The following FHIT variants were observed in gnomAD, a reference collection of about 807,000 sequenced individuals.
FHIT encodes the protein bis(5'-adenosyl)-triphosphatase.
Under a neutral mutation model 17.9 loss-of-function variants are expected in FHIT, and 19 were observed. The observed-to-expected ratio is 1.06, with a 90% CI of 0.74 to 1.56. FHIT has a LOEUF of 1.56. Among genes scored for constraint, FHIT ranks in the 40% most tolerant of loss-of-function variants. FHIT has a pLI of 0.00. For missense variants in FHIT, 248 were observed against 189.2 expected, an observed-to-expected ratio of 1.31 and a Z score of -1.82; for synonymous variants, 81 against 69.7, an observed-to-expected ratio of 1.16 and a Z score of -0.81.
At chr3:60,435,833 C>T (rs2030177112) in intron 5 of FHIT, among the ~76,000 whole-genome samples, 1 of 152,028 alleles carries the variant, frequency 6.6e-6, no homozygotes, top group South Asian at 2.1e-4. Context: ...CAACAGGCCC[C>T]AGTGTGTGTT....
At chr3:59,961,690 C>G (rs993251813) in intron 7 of FHIT, among the ~76,000 whole-genome samples, 8 of 152,136 alleles carry the variant, frequency 5.3e-5, no homozygotes, top group African/African-American at 1.9e-4. Context: ...CCTTGTGCTT[C>G]CCAAGTGAGG....
intron 5 of FHIT, among the ~76,000 whole-genome samples, chr3:60,140,094 C>T (rs200729543): frequency 6.6e-6 from 1 of 151,506 alleles, no homozygotes; most frequent in African/African-American, 2.4e-5. Flanking sequence ...GCACAACAGC[C>T]TGGGCAACAT....
chr3:59,792,279 G>C (rs898080140), intron 8 of FHIT, among the ~76,000 whole-genome samples: 1 of 152,194 alleles, frequency 6.6e-6, no homozygotes, highest in South Asian at 2.1e-4. Context: ...ACCTAGAAGA[G>C]AATGTCTTCT....
intron 7 of FHIT, among the ~76,000 whole-genome samples, chr3:59,937,201 C>G (rs957481850): frequency 2.4e-4 from 36 of 152,244 alleles, no homozygotes; most frequent in African/African-American, 8.4e-4. Flanking sequence ...AAATTGTGTT[C>G]TAAAAAGCAG....
chr3:60,221,057 T>G (rs984040889), intron 5 of FHIT, among the ~76,000 whole-genome samples: 2 of 152,208 alleles, frequency 1.3e-5, no homozygotes, highest in Non-Finnish European at 2.9e-5. Context: ...GGCTTTATAA[T>G]GCCTAAAGCA....
intron 4 of FHIT, among the ~76,000 whole-genome samples, chr3:60,623,833 C>G (rs1179493911): frequency 1.3e-5 from 2 of 152,174 alleles, no homozygotes; most frequent in African/African-American, 4.8e-5. Flanking sequence ...TTAAACTTGC[C>G]TGAAGAAGCC....
intron 2 of FHIT, among the ~76,000 whole-genome samples, chr3:61,085,616 AAT>A (rs1242459896): frequency 6.6e-6 from 1 of 152,070 alleles, no homozygotes; most frequent in African/African-American, 2.4e-5. Flanking sequence ...CACGTTTTAA[AAT>A]GTTATGAAGT....
chr3:60,130,805 A>ATGTGTGTGTG (rs1559660804), intron 5 of FHIT, among the ~76,000 whole-genome samples: 7 of 137,086 alleles, frequency 5.1e-5, no homozygotes, highest in South Asian at 4.3e-4. Context: ...ACACACATAT[A>ATGTGTGTGTG]TATGTGTGTA....
chr3:61,200,300 G>T (rs542966236), intron 2 of FHIT, among the ~76,000 whole-genome samples: 37 of 152,200 alleles, frequency 2.4e-4, no homozygotes, highest in Non-Finnish European at 4.9e-4. Context: ...GCCAGAAGTG[G>T]TACAAGTGCA....
chr3:60,750,342 C>T (rs1250135362), intron 4 of FHIT, among the ~76,000 whole-genome samples: 1 of 152,136 alleles, frequency 6.6e-6, no homozygotes. Flanking sequence ...CTCAAATGAC[C>T]TAATGACAAG....
At chr3:60,806,173 C>T (rs1701378981) in intron 4 of FHIT, among the ~76,000 whole-genome samples, 1 of 152,146 alleles carries the variant, frequency 6.6e-6, no homozygotes, top group Admixed American at 6.5e-5. Flanking sequence ...ATTAAGCTTT[C>T]TTTGGAATTT....
At chr3:59,795,152 G>A (rs1282901962) in intron 8 of FHIT, among the ~76,000 whole-genome samples, 3 of 152,178 alleles carry the variant, frequency 2.0e-5, no homozygotes, top group African/African-American at 7.2e-5. Flanking sequence ...GTGGGAGGCT[G>A]AGGCATGCGG....
chr3:60,114,075 T>A (rs1704834114), intron 5 of FHIT, among the ~76,000 whole-genome samples: 2 of 92,098 alleles, frequency 2.2e-5, no homozygotes, highest in Admixed American at 1.3e-4. Flanking sequence ...ATATATATAA[T>A]GTTATATGTA....
intron 3 of FHIT, among the ~76,000 whole-genome samples, chr3:60,955,685 A>G (rs1709119782): frequency 7.1e-6 from 1 of 141,532 alleles, no homozygotes; most frequent in Non-Finnish European, 1.5e-5. Flanking sequence ...ATGATAAAAG[A>G]AAAGCAAGGA....
At chr3:60,774,955 C>G (rs1329408073) in intron 4 of FHIT, among the ~76,000 whole-genome samples, 1 of 152,166 alleles carries the variant, frequency 6.6e-6, no homozygotes, top group Non-Finnish European at 1.5e-5. Flanking sequence ...GAGTTGACCA[C>G]AGGTAACTAA....
intron 7 of FHIT, among the ~76,000 whole-genome samples, chr3:59,942,815 T>G (rs961698498): frequency 6.6e-6 from 1 of 151,910 alleles, no homozygotes; most frequent in Non-Finnish European, 1.5e-5. Flanking sequence ...TGGCTAATAT[T>G]TTTTTAAATT....
At chr3:59,942,897 C>A (rs562131484) in intron 7 of FHIT, among the ~76,000 whole-genome samples, 2 of 152,096 alleles carry the variant, frequency 1.3e-5, no homozygotes, top group African/African-American at 4.8e-5. Context: ...AATCCTCCCA[C>A]CTCGGCCTCC....
chr3:59,899,351 G>C (rs1704219622), intron 8 of FHIT, among the ~76,000 whole-genome samples: 1 of 152,174 alleles, frequency 6.6e-6, no homozygotes, highest in Non-Finnish European at 1.5e-5. Context: ...GGGAGGCATG[G>C]AAAGGACTGA....
chr3:60,362,484 C>G (rs913644702), intron 5 of FHIT, among the ~76,000 whole-genome samples: 1 of 152,126 alleles, frequency 6.6e-6, no homozygotes. Context: ...TTCTAGCAAG[C>G]ATGACACCAC....
Sources: allele counts gnomAD v4.1 joint callset (sites outside exome capture counted in the v4.1 genomes callset), GRCh38; gene constraint gnomAD v4.1.1; transcripts MANE v1.5; gene names NCBI Gene and HGNC (gene_info 2026-07-23, HGNC 2026-07-21).